The following EVI5 variants were observed in gnomAD, a reference collection of about 807,000 sequenced individuals.
The protein encoded by EVI5 is ecotropic viral integration site 5 protein homolog.
Under a neutral mutation model 112.0 loss-of-function variants are expected in EVI5, and 73 were observed. The observed-to-expected ratio is 0.65, with a 90% CI of 0.54 to 0.79. The LOEUF (loss-of-function observed/expected upper bound fraction) is 0.79. EVI5 is among the 30% of genes least tolerant of loss of function. The pLI is 0.00. For synonymous variants in EVI5, 305 were observed against 319.9 expected (o/e 0.95, Z 0.50); for missense variants, 900 against 968.8 (o/e 0.93, Z 0.94).
intron 19 of EVI5, among the ~76,000 whole-genome samples, chr1:92,546,265 A>G (rs1346672795): frequency 2.6e-5 from 4 of 152,220 alleles, no homozygotes; most frequent in African/African-American, 9.7e-5. Flanking sequence ...TCACCCAGCT[A>G]ATCAGTGACA....
intron 18 of EVI5, among the ~76,000 whole-genome samples, chr1:92,582,617 A>G (rs1421880886): frequency 6.6e-6 from 1 of 152,190 alleles, no homozygotes; most frequent in Non-Finnish European, 1.5e-5. Context: ...GGAGAATGCC[A>G]TTTAAAATGG....
At chr1:92,686,017 A>G (rs1668464965) in intron 9 of EVI5, among the ~76,000 whole-genome samples, 1 of 152,200 alleles carries the variant, frequency 6.6e-6, no homozygotes, top group African/African-American at 2.4e-5. Flanking sequence ...CAATCAACAG[A>G]AAAAGAGGGA....
At chr1:92,781,488 C>G (rs909961221) in intron 1 of EVI5, among the ~76,000 whole-genome samples, 2 of 150,254 alleles carry the variant, frequency 1.3e-5, no homozygotes, top group African/African-American at 4.9e-5. Flanking sequence ...ACTTCAGACC[C>G]TGTCTGAAAA....
chr1:92,788,351 G>A (rs1407978438), upstream of EVI5, among the ~76,000 whole-genome samples: 3 of 151,874 alleles, frequency 2.0e-5, no homozygotes, highest in African/African-American at 4.8e-5. Context: ...GCGTGTGCCT[G>A]TAATCTCAGC....
rs144594361 is a variant in EVI5 at position 92,546,345 on chromosome 1, C to A, written c.2166+17297G>T. Among the ~76,000 whole-genome samples, 477 of 152,220 alleles carry A rather than the reference C, an allele frequency of 3.1e-3. 4 individuals are homozygous for A. The highest frequency in any genetic ancestry group is 0.011 in the African/African-American group (463 of 41,532). On this transcript the variant is annotated intron_variant, in intron 19 of 19. Coordinates refer to ENST00000684568, the MANE Select transcript of EVI5 (RefSeq NM_001350197.2). ...ATAAAGATGATAGTTTCTCAATCACCTGTAGTATGACGGAGAACAAAGACA... is the reference window on the plus strand; with the variant it reads ...ATAAAGATGATAGTTTCTCAATCACATGTAGTATGACGGAGAACAAAGACA...
chr1:92,692,591 A>G (rs1669668621), intron 9 of EVI5, among the ~76,000 whole-genome samples: 1 of 152,212 alleles, frequency 6.6e-6, no homozygotes, highest in South Asian at 2.1e-4. Context: ...AGGTATCACT[A>G]TGTTACCTAG....
chr1:92,590,650 A>C (rs1213004211), intron 18 of EVI5, among the ~76,000 whole-genome samples: 1 of 152,236 alleles, frequency 6.6e-6, no homozygotes, highest in African/African-American at 2.4e-5. Context: ...GTGTACCTGA[A>C]AGTGACGGGG....
Position 92,662,767 on chromosome 1 carries a change from C to G in EVI5, c.1344G>C (p.Leu448=). The G allele has an allele frequency of 7.8e-7, 1 of 1,287,986 alleles. No homozygotes were observed. Among genetic ancestry groups the G allele is most frequent in the Non-Finnish European group, 1.0e-6 (1 of 988,216 alleles). The allele number at this position is 1,287,986 out of a possible 1,614,324, so 79.8% of individuals were successfully genotyped here. A position where few individuals can be genotyped will look rare whatever the true frequency, so the allele number is the denominator to read the frequency against. ...KQQSDEASAK[L]EQAENTIRKL... is the part of the protein sequence containing the mutation. ...TCCTGATGGTATTTTCAGCTTGCTC[C>G]AGCTTAGCACTGGCCTCATCACTCT... The change falls in exon 13 of 20, where the codon CTG becomes CTC. Residue 448 remains leucine, a synonymous_variant. Transcript: ENST00000684568.
rs542583352 is a variant in EVI5 at position 92,635,942 on chromosome 1, A to C, written c.1527+260T>G. ...GCAACATTTAGATACTCTTTTTATG[A>C]AAATTATTCTGGTCGTTTTCCTCCA... On this transcript the variant is annotated intron_variant, in intron 14 of 19. Transcript: ENST00000684568. Among the ~76,000 whole-genome samples the C allele has an allele frequency of 1.7e-3, 266 of 152,268 alleles. 1 individual carries two copies. The highest frequency in any genetic ancestry group is 5.9e-3 in the African/African-American group (243 of 41,538).
At chr1:92,525,425 T>C (rs1661715703) in intron 19 of EVI5, among the ~76,000 whole-genome samples, 2 of 152,022 alleles carry the variant, frequency 1.3e-5, no homozygotes, top group South Asian at 2.1e-4. Flanking sequence ...TACGTCACCA[T>C]ACTTGGCTAA....
intron 1 of EVI5, among the ~76,000 whole-genome samples, chr1:92,768,873 T>C (rs899855939): frequency 2.0e-5 from 3 of 152,122 alleles, no homozygotes; most frequent in African/African-American, 7.2e-5. Flanking sequence ...AGACCCTGTC[T>C]CAAAAAAACA....
At chr1:92,742,779 A>C (rs1331343872) in intron 1 of EVI5, among the ~76,000 whole-genome samples, 1 of 152,212 alleles carries the variant, frequency 6.6e-6, no homozygotes, top group Non-Finnish European at 1.5e-5. Flanking sequence ...GGAAAATAAC[A>C]AGTGTTGACA....
rs1206862506 is a variant in EVI5, at chr1:92,785,086, G to C, written c.-332C>G. 1.0e-6 allele frequency: 1 copy of C among 985,526 alleles called. No homozygotes were observed. The highest frequency in any genetic ancestry group is 6.1e-5 in the Admixed American group (1 of 16,292). The allele number at this position is 985,526 out of a possible 1,614,324, so 61.0% of individuals were successfully genotyped here. A position where few individuals can be genotyped will look rare whatever the true frequency, so the allele number is the denominator to read the frequency against. On this transcript the variant is annotated 5_prime_UTR_variant, in exon 1 of 20. Coordinates refer to ENST00000684568, the MANE Select transcript of EVI5 (RefSeq NM_001350197.2). ...GGCCAGCTGGTTCCTCCGGGGTCCG[G>C]CCCGGCCGCGTCAGGAGAGCCCAAG...
intron 13 of EVI5, among the ~76,000 whole-genome samples, chr1:92,646,650 A>T (rs751759274): frequency 6.6e-6 from 1 of 152,242 alleles, no homozygotes; most frequent in Non-Finnish European, 1.5e-5. Context: ...ATATATGTAC[A>T]GTTGATAACA....
chr1:92,515,257 A>G (rs1659682136), intron 19 of EVI5, among the ~76,000 whole-genome samples: 1 of 152,234 alleles, frequency 6.6e-6, no homozygotes, highest in Admixed American at 6.5e-5. Flanking sequence ...TCTAGAGTTT[A>G]GTATTGAAAA....
At chr1:92,558,852 A>AT (rs963340020) in intron 19 of EVI5, among the ~76,000 whole-genome samples, 1 of 148,388 alleles carries the variant, frequency 6.7e-6, no homozygotes, top group Non-Finnish European at 1.5e-5. Context: ...AAAAAAAAAA[A>AT]GGGCAAAACA....
At position 92,607,671 on chromosome 1, in the gene EVI5, C is replaced by A. The variant is rs11808092; in HGVS notation, c.1884G>T (p.Gln628His). Residue 628 changes from glutamine (Q) to histidine (H), a missense_variant, in exon 17 of 20, where the codon CAG (glutamine) becomes CAT (histidine). Transcript: ENST00000684568. ...RRAEQEVISL[Q>H]EKVQYLSAQN... ...GTGCAGAAAGATACTGCACTTTCTC[C>A]TGTAGGCTAATCACCTCTTGTTCTG... The A allele has an allele frequency of 0.23, 367,430 of 1,603,890 alleles. 45,581 individuals are homozygous for A. Among genetic ancestry groups the A allele is most frequent in the Non-Finnish European group, 0.25 (298,744 of 1,174,416 alleles).
At chr1:92,704,525 A>T in intron 3 of EVI5, 30 bp downstream of exon 3, 1 of 1,419,344 alleles carries the variant, frequency 7.0e-7, no homozygotes. Context: ...ATGGAATAAG[A>T]ATAAGAACTT....
chr1:92,609,873 C>A (rs1289997221), intron 16 of EVI5, among the ~76,000 whole-genome samples: 1 of 144,166 alleles, frequency 6.9e-6, no homozygotes, highest in African/African-American at 2.5e-5. Context: ...TTCTCTCTCT[C>A]TTTTTTGTTT....
Sources: allele counts gnomAD v4.1 joint callset (sites outside exome capture counted in the v4.1 genomes callset), GRCh38; gene constraint gnomAD v4.1.1; transcripts MANE v1.5; gene names NCBI Gene and HGNC (gene_info 2026-07-23, HGNC 2026-07-21).